RXFP2: variants seen among roughly 807,000 people sequenced by gnomAD.
RXFP2 encodes relaxin receptor 2.
In RXFP2, 68 loss-of-function variants were observed where a neutral mutation model predicts 88.6. The observed-to-expected ratio is 0.77, with a 90% CI of 0.63 to 0.94. RXFP2 has a LOEUF of 0.94. Among genes scored for constraint, RXFP2 ranks in the 40% least tolerant of loss-of-function variants. RXFP2 has a pLI of 0.00. For synonymous variants in RXFP2, 329 were observed against 306.8 expected (o/e 1.07, Z -0.76); for missense variants, 791 against 893.9 (o/e 0.88, Z 1.47).
At position 31,774,677 on chromosome 13, in the gene RXFP2, T is replaced by C. The variant is rs766680163; in HGVS notation, c.555T>C (p.Cys185=). The change falls in exon 6 of 18, where the codon TGT becomes TGC. Residue 185 remains cysteine, a synonymous_variant. Coordinates refer to ENST00000298386, the MANE Select transcript of RXFP2 (RefSeq NM_130806.5). ...HISRKAFFGL[C]NLQILYLNHN... ...CCAGGAAAGCATTTTTTGGATTATG[T>C]AATCTGCAAATATTGTGAGTAACCT... 8 of 1,517,808 alleles carry C rather than the reference T, an allele frequency of 5.3e-6. No homozygotes were observed. The South Asian group carries it at 9.0e-5, about 17-fold the overall frequency. The allele number at this position is 1,517,808 out of a possible 1,614,324, so 94.0% of individuals were successfully genotyped here. A position where few individuals can be genotyped will look rare whatever the true frequency, so the allele number is the denominator to read the frequency against.
intron 2 of RXFP2, 32 bp downstream of exon 2, chr13:31,758,436 C>T: frequency 1.2e-6 from 2 of 1,612,968 alleles, no homozygotes; most frequent in Non-Finnish European, 1.7e-6. Context: ...CCATGTGTGC[C>T]TCACTTTATG....
Position 31,744,226 on chromosome 13 carries a change from A to G in RXFP2, c.94+4520A>G, listed in dbSNP as rs1436985768. ...GGTGTGCTCTCTTTTTCTAGGTCCA[A>G]TGATTTGTCTACAATTCTAAAATCC... On this transcript the variant is annotated intron_variant, in intron 1 of 17. Transcript: ENST00000298386. 2.0e-5 allele frequency among the ~76,000 whole-genome samples: 3 copies of G among 152,184 alleles called. No homozygotes were observed. In the East Asian group the frequency reaches 5.8e-4, roughly 29 times the overall value.
chr13:31,766,070 G>C (rs377728477), intron 5 of RXFP2, 43 bp downstream of exon 5: 13 of 951,394 alleles, frequency 1.4e-5, no homozygotes, highest in Non-Finnish European at 2.2e-5. Flanking sequence ...AAAAATCCTC[G>C]TGGTGGTGTA....
chr13:31,781,165 A>G (rs780724474), intron 9 of RXFP2, among the ~76,000 whole-genome samples: 3 of 152,208 alleles, frequency 2.0e-5, no homozygotes, highest in Non-Finnish European at 2.9e-5. Context: ...TATAATGATC[A>G]ATGACGCCAC....
Position 31,761,814 on chromosome 13 carries a change from G to C in RXFP2, c.319+13G>C. On this transcript the variant is annotated intron_variant, in intron 3 of 17. Coordinates refer to ENST00000298386, the MANE Select transcript of RXFP2 (RefSeq NM_130806.5). ...ACACAGGAGTGCTGTAAGTGGTTTT[G>C]ATTCAAAGACAGTATCAGCTTTGTG... 1 of 1,567,420 alleles carries C rather than the reference G, an allele frequency of 6.4e-7. No homozygotes were observed. Among genetic ancestry groups the C allele is most frequent in the Non-Finnish European group, 8.8e-7 (1 of 1,137,826 alleles).
At chr13:31,791,436 C>G (rs1221103802) in intron 14 of RXFP2, among the ~76,000 whole-genome samples, 1 of 152,098 alleles carries the variant, frequency 6.6e-6, no homozygotes, top group Non-Finnish European at 1.5e-5. Flanking sequence ...CATCCCAAGC[C>G]CAAGCCCCTG....
intron 3 of RXFP2, among the ~76,000 whole-genome samples, chr13:31,764,057 A>C (rs1210009068): frequency 8.5e-5 from 13 of 152,188 alleles, no homozygotes; most frequent in Admixed American, 7.9e-4. Flanking sequence ...GAAGAAGGGC[A>C]CCTGAAAAGA....
chr13:31,754,612 C>G (rs1201643615), intron 1 of RXFP2, among the ~76,000 whole-genome samples: 1 of 152,168 alleles, frequency 6.6e-6, no homozygotes, highest in East Asian at 1.9e-4. Context: ...TCAAAAGATC[C>G]TATTCACATT....
At chr13:31,794,603 A>G (rs1323173112) in intron 16 of RXFP2, among the ~76,000 whole-genome samples, 1 of 152,134 alleles carries the variant, frequency 6.6e-6, no homozygotes, top group Admixed American at 6.5e-5. Context: ...AGAGTACAGA[A>G]TGTTCTAGGA....
chr13:31,743,089 G>T (rs1384569323), intron 1 of RXFP2, among the ~76,000 whole-genome samples: 3 of 152,182 alleles, frequency 2.0e-5, no homozygotes, highest in Admixed American at 1.3e-4. Context: ...GGTCAATGTT[G>T]TTATCAGAAA....
intron 5 of RXFP2, among the ~76,000 whole-genome samples, chr13:31,767,934 G>T (rs1490155497): frequency 6.6e-6 from 1 of 152,154 alleles, no homozygotes; most frequent in African/African-American, 2.4e-5. Context: ...GCTCAAGCAG[G>T]AGGGTTAAAA....
intron 13 of RXFP2, among the ~76,000 whole-genome samples, 177 bp from the exon 14 acceptor site, chr13:31,788,945 C>G (rs757695252): frequency 6.6e-6 from 1 of 152,212 alleles, no homozygotes; most frequent in Non-Finnish European, 1.5e-5. Context: ...CAGCGCCAAA[C>G]TGCAGGAGGC....
chr13:31,786,527 A>C, intron 12 of RXFP2, 39 bp from the exon 13 acceptor site: 1 of 1,540,666 alleles, frequency 6.5e-7, no homozygotes, highest in Non-Finnish European at 9.0e-7. Flanking sequence ...AATACCTTCA[A>C]ACTTCTTTTC....
At chr13:31,795,719 T>G (rs1394232749) in intron 16 of RXFP2, among the ~76,000 whole-genome samples, 1 of 151,870 alleles carries the variant, frequency 6.6e-6, no homozygotes, top group Non-Finnish European at 1.5e-5. Flanking sequence ...AGGTTCAGAT[T>G]CATATTTTTT....
chr13:31,775,511 T>C (rs1872909063), intron 7 of RXFP2, 122 bp downstream of exon 7: 1 of 791,026 alleles, frequency 1.3e-6, no homozygotes, highest in Non-Finnish European at 2.2e-6. Context: ...CTGATTATCA[T>C]ATAATCTGCA....
rs772641541 is a variant in RXFP2, at chr13:31,792,035, TGTAA to T, written c.1375+4_1375+7del. ...CGCTATGTCCATCAAAATCCTTTGT[TGTAA>T]GTATGTTTCCAGTATAAGTAGATTA... On this transcript the variant is annotated splice_donor_variant and splice_donor_region_variant and intron_variant, in intron 15 of 17. Transcript: ENST00000298386. LOFTEE classifies it high-confidence loss of function. 2 of 1,596,750 alleles carry T rather than the reference TGTAA, an allele frequency of 1.3e-6. No individual in the cohort carries two copies. Among genetic ancestry groups the T allele is most frequent in the Non-Finnish European group, 1.7e-6 (2 of 1,164,220 alleles).
chr13:31,748,503 G>T (rs1871518926), intron 1 of RXFP2, among the ~76,000 whole-genome samples: 1 of 152,082 alleles, frequency 6.6e-6, no homozygotes, highest in Non-Finnish European at 1.5e-5. Context: ...TACCTTTTCA[G>T]ATGTTTTTCG....
At chr13:31,747,803 G>T (rs1871488295) in intron 1 of RXFP2, among the ~76,000 whole-genome samples, 1 of 152,066 alleles carries the variant, frequency 6.6e-6, no homozygotes, top group Admixed American at 6.5e-5. Flanking sequence ...AGATGGTTTG[G>T]GTAGAAAAAA....
At chr13:31,798,427 T>G (rs991891193) in intron 17 of RXFP2, among the ~76,000 whole-genome samples, 1 of 152,182 alleles carries the variant, frequency 6.6e-6, no homozygotes, top group Non-Finnish European at 1.5e-5. Flanking sequence ...TTGGAAGCCT[T>G]TGCTGGGTGG....
Sources: allele counts gnomAD v4.1 joint callset (sites outside exome capture counted in the v4.1 genomes callset), GRCh38; gene constraint gnomAD v4.1.1; transcripts MANE v1.5; gene names NCBI Gene and HGNC (gene_info 2026-07-23, HGNC 2026-07-21).